TLE4: variants seen among roughly 807,000 people sequenced by gnomAD.
TLE4 encodes transducin-like enhancer protein 4.
A neutral mutation model predicts 92.8 loss-of-function variants in TLE4; 8 were observed. The ratio of observed to expected loss-of-function variants is 0.09; its 90% CI spans 0.05 to 0.16. The LOEUF (loss-of-function observed/expected upper bound fraction) is 0.16. TLE4 is among the 10% of genes least tolerant of loss of function. TLE4 has a pLI of 1.00. For synonymous variants in TLE4, 371 were observed against 374.1 expected (o/e 0.99, Z 0.10); for missense variants, 675 against 997.6 (o/e 0.68, Z 4.36).
chr9:79,577,869 G>T (rs886723646), intron 4 of TLE4, among the ~76,000 whole-genome samples: 1 of 151,910 alleles, frequency 6.6e-6, no homozygotes, highest in Non-Finnish European at 1.5e-5. Flanking sequence ...TTTTCGAGGG[G>T]GTATGTGAAA....
chr9:79,578,776 ATTAAT>A (rs1223213298), intron 4 of TLE4, among the ~76,000 whole-genome samples: 2 of 152,054 alleles, frequency 1.3e-5, no homozygotes, highest in African/African-American at 4.8e-5. Context: ...TGAGAACATA[ATTAAT>A]TTAAATTTTG....
At chr9:79,699,082 C>CT (rs1168255342) in intron 8 of TLE4, among the ~76,000 whole-genome samples, 12 of 152,080 alleles carry the variant, frequency 7.9e-5, no homozygotes, top group Non-Finnish European at 1.6e-4. Context: ...ACTTTCCAAA[C>CT]TTACTCAAAG....
intron 5 of TLE4, among the ~76,000 whole-genome samples, chr9:79,615,004 T>G (rs953873409): frequency 2.6e-5 from 4 of 152,210 alleles, no homozygotes; most frequent in Admixed American, 6.5e-5. Flanking sequence ...ACTCATCTTT[T>G]TCTAGTTTCC....
In TLE4 at chr9:79,722,523, T is replaced by A. The variant is rs776801136; in HGVS notation, c.2059T>A (p.Leu687Met). Residue 687 changes from leucine (L) to methionine (M), a missense_variant, in exon 18 of 20, where the codon TTG becomes ATG. This residue lies in a region of TLE4 where 170 missense variants were observed against 359.6 expected (regional missense o/e 0.47). Coordinates refer to ENST00000376552, the MANE Select transcript of TLE4 (RefSeq NM_007005.6). ...GATGGAGAACAGCAATGTGGAAGTT[T>A]TGCATGTCACCAAGCCAGACAAATA... ...VGMENSNVEVLHVTKPDKYQL... is the reference protein window; with the variant it reads ...VGMENSNVEVMHVTKPDKYQL... 6.2e-7 allele frequency: 1 copy of A among 1,614,092 alleles called. No individual in the cohort carries two copies. The highest frequency in any genetic ancestry group is 8.5e-7 in the Non-Finnish European group (1 of 1,180,040).
intron 17 of TLE4, among the ~76,000 whole-genome samples, 193 bp downstream of exon 17, chr9:79,722,081 C>A (rs907720019): frequency 6.6e-6 from 1 of 152,126 alleles, no homozygotes; most frequent in African/African-American, 2.4e-5. Context: ...AGGAGAATCG[C>A]TTGAATGCGG....
At chr9:79,715,696 T>C (rs1047987390) in intron 14 of TLE4, among the ~76,000 whole-genome samples, 1 of 152,148 alleles carries the variant, frequency 6.6e-6, no homozygotes, top group African/African-American at 2.4e-5. Flanking sequence ...GCTGAGAGTC[T>C]TCCACTACCC....
chr9:79,582,286 A>G (rs1388102657), intron 4 of TLE4, among the ~76,000 whole-genome samples: 1 of 152,224 alleles, frequency 6.6e-6, no homozygotes, highest in African/African-American at 2.4e-5. Context: ...AAACAAAAGG[A>G]TAGTTCCTTT....
chr9:79,654,495 A>T (rs1191683929), intron 8 of TLE4, among the ~76,000 whole-genome samples: 7 of 143,244 alleles, frequency 4.9e-5, no homozygotes, highest in Non-Finnish European at 9.2e-5. Context: ...TGAATGGTGC[A>T]TTTTTTTTTT....
chr9:79,617,886 C>T (rs988625996), intron 5 of TLE4, among the ~76,000 whole-genome samples: 11 of 151,758 alleles, frequency 7.2e-5, no homozygotes, highest in Non-Finnish European at 1.6e-4. Flanking sequence ...CAGTTGACAG[C>T]GAAGCCATCT....
chr9:79,621,060 A>C (rs1212139249), intron 5 of TLE4, among the ~76,000 whole-genome samples: 1 of 152,190 alleles, frequency 6.6e-6, no homozygotes, highest in Non-Finnish European at 1.5e-5. Context: ...GTGAGATTGG[A>C]GTTGGGACAA....
At chr9:79,683,005 T>A (rs970708928) in intron 8 of TLE4, among the ~76,000 whole-genome samples, 15 of 152,248 alleles carry the variant, frequency 9.9e-5, no homozygotes, top group Admixed American at 9.2e-4. Flanking sequence ...AGTTTGTTTT[T>A]CTGTGGCCTG....
chr9:79,682,744 A>G (rs2135327072), intron 8 of TLE4, among the ~76,000 whole-genome samples: 1 of 152,310 alleles, frequency 6.6e-6, no homozygotes, highest in Non-Finnish European at 1.5e-5. Flanking sequence ...TGAGAATGAA[A>G]ATGCTCAAGC....
At chr9:79,594,083 A>G (rs767314186) in intron 4 of TLE4, among the ~76,000 whole-genome samples, 29 of 152,154 alleles carry the variant, frequency 1.9e-4, no homozygotes, top group Non-Finnish European at 3.8e-4. Flanking sequence ...GGCCTTAGGC[A>G]TCAGTATTTT....
intron 9 of TLE4, 41 bp downstream of exon 9, chr9:79,704,943 C>G: frequency 1.2e-6 from 2 of 1,610,162 alleles, no homozygotes; most frequent in Non-Finnish European, 1.7e-6. Context: ...GCCAGCTTGC[C>G]TTTTTATCTG....
At chr9:79,707,141 TTGAG>T in intron 11 of TLE4, 1 of 1,613,026 alleles carries the variant, frequency 6.2e-7, no homozygotes, top group Non-Finnish European at 8.5e-7. Context: ...TATGGGGAAA[TTGAG>T]TGAAACACGT....
intron 6 of TLE4, among the ~76,000 whole-genome samples, chr9:79,630,979 A>G (rs181576576): frequency 1.3e-3 from 203 of 151,610 alleles, no homozygotes; most frequent in African/African-American, 3.9e-3. Context: ...AATTCTGAGG[A>G]AAAAAAAATG....
chr9:79,592,833 T>A lies in TLE4; in HGVS notation c.252+16656T>A, dbSNP rs187128617. 3.3e-5 allele frequency among the ~76,000 whole-genome samples: 5 copies of A among 152,346 alleles called. No homozygotes were observed. The East Asian group carries it at 9.6e-4, about 29-fold the overall frequency. ...GATATCAGTGATTGTGTATCCTTTT[T>A]AAGTTGAGAAATTTCATGTAGACAT... On this transcript the variant is annotated intron_variant, in intron 4 of 19. Coordinates refer to ENST00000376552, the MANE Select transcript of TLE4 (RefSeq NM_007005.6).
chr9:79,685,114 C>T (rs1466335475), intron 8 of TLE4, among the ~76,000 whole-genome samples: 2 of 152,144 alleles, frequency 1.3e-5, no homozygotes, highest in African/African-American at 2.4e-5. Flanking sequence ...AAATAGCCCA[C>T]GCCCAAATAC....
At chr9:79,669,286 A>G (rs2061886151) in intron 8 of TLE4, among the ~76,000 whole-genome samples, 1 of 152,150 alleles carries the variant, frequency 6.6e-6, no homozygotes, top group African/African-American at 2.4e-5. Flanking sequence ...TTTAAAAGCC[A>G]GCAAAACTCA....
Sources: gnomAD v4.1 joint callset for allele counts (sites outside exome capture counted in the v4.1 genomes callset) on GRCh38, gnomAD v4.1.1 for gene constraint, gnomAD v4.1.1 regional missense constraint, MANE v1.5 for transcripts, NCBI Gene and HGNC (gene_info 2026-07-23, HGNC 2026-07-21) for gene names.